The following CNTLN variants were observed in gnomAD, a reference collection of about 807,000 sequenced individuals.
CNTLN encodes the protein centlein, centrosomal protein.
CNTLN carries 212 observed loss-of-function variants against 180.0 expected under a neutral mutation model. The ratio of observed to expected loss-of-function variants is 1.18; its 90% CI spans 1.05 to 1.32. The LOEUF is 1.32. CNTLN is among the 40% of genes most tolerant of loss of function. The pLI is 0.00. For synonymous variants in CNTLN, 722 were observed against 563.1 expected (o/e 1.28, Z -3.99); for missense variants, 2,095 against 1,610.9 (o/e 1.30, Z -5.14).
chr9:17,346,645 A>G (rs1305853861), intron 12 of CNTLN, among the ~76,000 whole-genome samples: 3 of 152,118 alleles, frequency 2.0e-5, no homozygotes, highest in Non-Finnish European at 1.5e-5. Flanking sequence ...CTTGCTTTCA[A>G]TCATTTTTCC....
rs140032213 is a variant in CNTLN, at chr9:17,475,827, C to T, written c.3856-8468C>T. Among the ~76,000 whole-genome samples, 279 of 148,198 alleles carry T rather than the reference C, an allele frequency of 1.9e-3. 3 individuals are homozygous for T. Among genetic ancestry groups the T allele is most frequent in the African/African-American group, 6.8e-3 (271 of 40,118 alleles). ...GGTGGAGCTTGCAGTGAGCCAAGAT[C>T]GCGCCACTGCACTCCAGCCTGGGTG... is the stretch of plus-strand genomic sequence containing the variant. On this transcript the variant is annotated intron_variant, in intron 23 of 25. Coordinates refer to ENST00000380647, the MANE Select transcript of CNTLN (RefSeq NM_017738.4).
chr9:17,480,073 C>A (rs907191161), intron 23 of CNTLN, among the ~76,000 whole-genome samples: 1 of 151,958 alleles, frequency 6.6e-6, no homozygotes, highest in Non-Finnish European at 1.5e-5. Context: ...TGCTTGTAAT[C>A]CCAACACTTT....
chr9:17,507,100 C>G (rs1833945794), downstream of CNTLN, among the ~76,000 whole-genome samples: 1 of 152,084 alleles, frequency 6.6e-6, no homozygotes, highest in Non-Finnish European at 1.5e-5. Context: ...ACCCAAGTAG[C>G]AAACAGTACC....
At chr9:17,273,691 A>G (rs1292817746) in intron 5 of CNTLN, 42 bp from the exon 6 acceptor site, 3 of 1,064,158 alleles carry the variant, frequency 2.8e-6, no homozygotes, top group East Asian at 2.8e-5. Flanking sequence ...TACATGTAGT[A>G]TTTATTATGT....
intron 12 of CNTLN, among the ~76,000 whole-genome samples, chr9:17,347,551 C>G (rs1032326077): frequency 6.6e-6 from 1 of 151,764 alleles, no homozygotes; most frequent in Non-Finnish European, 1.5e-5. Context: ...CGCCTGTAAT[C>G]TCAGTTACTC....
intron 18 of CNTLN, among the ~76,000 whole-genome samples, chr9:17,437,979 TA>T (rs1291150814): frequency 1.3e-5 from 2 of 152,142 alleles, no homozygotes; most frequent in Non-Finnish European, 2.9e-5. Context: ...ACAAAGTCAT[TA>T]GAAGAAAGGA....
Position 17,359,717 on chromosome 9 carries a change from TAAAAATACAAAAAAAAAAAA to T in CNTLN, c.1887-6894_1887-6875del, listed in dbSNP as rs1365904309. The stretch of plus-strand genomic sequence containing the variant: ...TAACACGGTGAAACTCCGTCTATAC[TAAAAATACAAAAAAAAAAAA>T]AAAAAAAAAAAAACTAGCTGGGTGT... On this transcript the variant is annotated intron_variant, in intron 12 of 25. Transcript: ENST00000380647. Among the ~76,000 whole-genome samples the T allele has an allele frequency of 3.7e-4, 5 of 13,478 alleles. No individual in the cohort carries two copies. The East Asian group carries it at 0.012, about 33-fold the overall frequency. 8.8% of individuals were successfully genotyped at this position (13,478 alleles called of 152,430 possible). A position where few individuals can be genotyped will look rare whatever the true frequency, so the allele number is the denominator to read the frequency against.
chr9:17,287,522 A>C (rs1829064284), intron 6 of CNTLN, among the ~76,000 whole-genome samples: 1 of 151,378 alleles, frequency 6.6e-6, no homozygotes, highest in South Asian at 2.1e-4. Flanking sequence ...CTGGCCTCAT[A>C]AAATGAGTTT....
In CNTLN at chr9:17,258,015, C is replaced by T. The variant is rs1031497601; in HGVS notation, c.850-15718C>T. Among the ~76,000 whole-genome samples the T allele has an allele frequency of 1.5e-4, 22 of 150,946 alleles. 1 individual carries two copies. The highest frequency in any genetic ancestry group is 4.7e-4 in the African/African-American group (19 of 40,450). On this transcript the variant is annotated intron_variant, in intron 5 of 25. Coordinates refer to ENST00000380647, the MANE Select transcript of CNTLN (RefSeq NM_017738.4). ...CATTTGTCAATTTTGTCTTTTGTTG[C>T]CATTGCTTTTGTTGTTTCAGACATG...
chr9:17,206,606 GT>G (rs1246415487), intron 2 of CNTLN, among the ~76,000 whole-genome samples: 2 of 152,140 alleles, frequency 1.3e-5, no homozygotes, highest in Non-Finnish European at 2.9e-5. Context: ...CCTTCCCCAT[GT>G]ATCTGTAAGG....
At chr9:17,408,856 A>G (rs914933037) in intron 15 of CNTLN, among the ~76,000 whole-genome samples, 14 of 151,678 alleles carry the variant, frequency 9.2e-5, no homozygotes, top group African/African-American at 3.1e-4. Flanking sequence ...TATTTTATTC[A>G]GTGATAAATA....
intron 25 of CNTLN, among the ~76,000 whole-genome samples, chr9:17,488,778 T>C (rs1401036538): frequency 6.6e-6 from 1 of 152,144 alleles, no homozygotes; most frequent in Non-Finnish European, 1.5e-5. Flanking sequence ...GACTCTGGAA[T>C]ATAATTGCCA....
chr9:17,478,760 T>TTA (rs1832488672), intron 23 of CNTLN, among the ~76,000 whole-genome samples: 1 of 152,204 alleles, frequency 6.6e-6, no homozygotes, highest in Admixed American at 6.5e-5. Flanking sequence ...CCTTTCACCG[T>TTA]TATATATCAC....
chr9:17,492,125 C>T (rs147775511), intron 25 of CNTLN, among the ~76,000 whole-genome samples: 2 of 152,104 alleles, frequency 1.3e-5, no homozygotes, highest in Non-Finnish European at 2.9e-5. Context: ...TCTCTACTCA[C>T]AGCCTTGCTG....
intron 3 of CNTLN, among the ~76,000 whole-genome samples, chr9:17,233,111 T>A (rs776161975): frequency 6.6e-6 from 1 of 152,064 alleles, no homozygotes; most frequent in South Asian, 2.1e-4. Context: ...ATGCAAATAG[T>A]CTTTGACTTA....
chr9:17,267,859 A>G (rs1313042651), intron 5 of CNTLN, among the ~76,000 whole-genome samples: 1 of 152,028 alleles, frequency 6.6e-6, no homozygotes, highest in Non-Finnish European at 1.5e-5. Context: ...CAGTCCACGT[A>G]GCTCTTGTGC....
intron 25 of CNTLN, among the ~76,000 whole-genome samples, chr9:17,495,745 T>A (rs907687100): frequency 6.6e-6 from 1 of 152,220 alleles, no homozygotes; most frequent in Non-Finnish European, 1.5e-5. Flanking sequence ...GCTCACTCAC[T>A]GACTCGCCCA....
chr9:17,376,673 G>T (rs372962387), intron 13 of CNTLN, among the ~76,000 whole-genome samples: 3 of 152,100 alleles, frequency 2.0e-5, no homozygotes, highest in Admixed American at 1.3e-4. Flanking sequence ...GAATGGTCTC[G>T]ATCTCCTGAC....
chr9:17,470,959 C>A (rs112814495), intron 23 of CNTLN, among the ~76,000 whole-genome samples: 2 of 152,014 alleles, frequency 1.3e-5, no homozygotes, highest in African/African-American at 4.8e-5. Context: ...ATTGTTAATA[C>A]CTTGGCACTG....
Sources: allele counts gnomAD v4.1 joint callset (sites outside exome capture counted in the v4.1 genomes callset), GRCh38; gene constraint gnomAD v4.1.1; transcripts MANE v1.5; gene names NCBI Gene and HGNC (gene_info 2026-07-23, HGNC 2026-07-21).